The following TSPAN13 variants were observed in gnomAD, a reference collection of about 807,000 sequenced individuals.
The protein encoded by TSPAN13 is tetraspanin-13.
Under a neutral mutation model 26.9 loss-of-function variants are expected in TSPAN13, and 18 were observed. The ratio of observed to expected loss-of-function variants is 0.67; its 90% confidence interval spans 0.46 to 0.99. The LOEUF (loss-of-function observed/expected upper bound fraction) is 0.99, where lower values mean the gene tolerates loss of function less well. Among genes scored for constraint, TSPAN13 ranks in the 50% least tolerant of loss-of-function variants. The pLI is 0.00. For synonymous variants in TSPAN13, 116 were observed against 98.4 expected (o/e 1.18, Z -1.06); for missense variants, 201 against 249.6 (o/e 0.81, Z 1.31).
chr7:16,776,163 C>T, intron 1 of TSPAN13, 48 bp from the exon 2 acceptor site: 2 of 1,576,888 alleles, frequency 1.3e-6, no homozygotes, highest in Middle Eastern at 1.7e-4. Context: ...TCCCCATTCT[C>T]TCTCCTCTCT....
intron 1 of TSPAN13, among the ~76,000 whole-genome samples, chr7:16,773,782 A>C (rs1439032632): frequency 6.6e-6 from 1 of 152,230 alleles, no homozygotes; most frequent in African/African-American, 2.4e-5. Flanking sequence ...ATGGGGTTAG[A>C]AGAATTTTAT....
chr7:16,781,170 C>T (rs74946150), intron 5 of TSPAN13, among the ~76,000 whole-genome samples: 3,215 of 152,140 alleles, frequency 0.021, 93 homozygotes, highest in Non-Finnish European at 0.025. Context: ...TTTGTAGTAA[C>T]TTGAGAAACT....
At position 16,777,886 on chromosome 7, in the gene TSPAN13, T is replaced by A. The variant is rs759529339; in HGVS notation, c.401T>A (p.Val134Asp). The change falls in exon 4 of 6, where the codon GTT becomes GAT. Residue 134 changes from valine (V) to aspartate (D), a missense_variant. Coordinates refer to ENST00000262067, the MANE Select transcript of TSPAN13 (RefSeq NM_014399.4). ...CTAAACTGCTGTGGGTTCCGAAGTG[T>A]TAACCCAAATGACACCTGTCTGGCT... ...RNLNCCGFRS[V>D]NPNDTCLASC... The A allele has an allele frequency of 1.5e-5, 24 of 1,613,322 alleles. No homozygotes were observed. Among genetic ancestry groups the A allele is most frequent in the Non-Finnish European group, 1.9e-5 (23 of 1,179,558 alleles).
Position 16,768,006 on chromosome 7 carries a change from A to G in TSPAN13, c.64-8205A>G, listed in dbSNP as rs559352149. Among the ~76,000 whole-genome samples the G allele has an allele frequency of 3.3e-5, 5 of 152,118 alleles. No individual in the cohort carries two copies. In the East Asian group the frequency reaches 7.7e-4, roughly 23 times the overall value. ...CGGCCCACTGCAACCTCCTCCTCCC[A>G]GGTTCAAGCGATTCTCCTGCCTCAG... On this transcript the variant is annotated intron_variant, in intron 1 of 5. Coordinates refer to ENST00000262067, the MANE Select transcript of TSPAN13 (RefSeq NM_014399.4).
chr7:16,777,882 A>G lies in TSPAN13; in HGVS notation c.397A>G (p.Ser133Gly), dbSNP rs753771892. The change falls in exon 4 of 6, where the codon AGT (serine) becomes GGT (glycine). Residue 133 changes from serine (S) to glycine (G), a missense_variant. Ser to Gly is a moderately conservative substitution (Grantham distance 56, BLOSUM62 0). Coordinates refer to ENST00000262067, the MANE Select transcript of TSPAN13 (RefSeq NM_014399.4). ...QRNLNCCGFR[S>G]VNPNDTCLAS... ...AAATCTAAACTGCTGTGGGTTCCGA[A>G]GTGTTAACCCAAATGACACCTGTCT... 2 of 1,613,494 alleles carry G rather than the reference A, an allele frequency of 1.2e-6. No homozygotes were observed. The highest frequency in any genetic ancestry group is 1.7e-6 in the Non-Finnish European group (2 of 1,179,680).
intron 1 of TSPAN13, among the ~76,000 whole-genome samples, chr7:16,762,856 C>G (rs1784560129): frequency 6.6e-6 from 1 of 152,060 alleles, no homozygotes; most frequent in Non-Finnish European, 1.5e-5. Context: ...CTTGTAAAGC[C>G]TTGTCTTTTG....
At chr7:16,771,977 C>G (rs1440938635) in intron 1 of TSPAN13, among the ~76,000 whole-genome samples, 1 of 152,118 alleles carries the variant, frequency 6.6e-6, no homozygotes, top group Admixed American at 6.5e-5. Flanking sequence ...TGTGAATATT[C>G]TAGATAACAT....
intron 5 of TSPAN13, among the ~76,000 whole-genome samples, chr7:16,782,714 T>C (rs1038137374): frequency 6.6e-6 from 1 of 152,230 alleles, no homozygotes; most frequent in Non-Finnish European, 1.5e-5. Flanking sequence ...GATTTTTTGC[T>C]GTTACTTAAA....
intron 3 of TSPAN13, among the ~76,000 whole-genome samples, chr7:16,777,590 G>A (rs1784768421): frequency 1.3e-5 from 2 of 152,170 alleles, no homozygotes; most frequent in Admixed American, 1.3e-4. Flanking sequence ...TCTTTTAAAT[G>A]CATGTAAAAA....
rs568219547 is a variant in TSPAN13 at position 16,777,054 on chromosome 7, C to A, written c.244C>A (p.Leu82Met). 3.7e-6 allele frequency: 6 copies of A among 1,610,184 alleles called. No homozygotes were observed. The South Asian group carries it at 6.6e-5, about 18-fold the overall frequency. Residue 82 changes from leucine to methionine, a missense_variant, in exon 3 of 6, where the codon CTG becomes ATG. Transcript: ENST00000262067. Reference protein sequence around the residue: ...QVLLFFYMIILLLVFIVQFSV... With the variant: ...QVLLFFYMIIMLLVFIVQFSV... ...TTCTAACTCTCAGTATATGATTATT[C>A]TGTTACTTGTATTTATTGTTCAGTT...
intron 1 of TSPAN13, among the ~76,000 whole-genome samples, chr7:16,763,314 T>C (rs1784567174): frequency 6.6e-6 from 1 of 152,200 alleles, no homozygotes; most frequent in African/African-American, 2.4e-5. Context: ...ATAGGATCAG[T>C]GCAATTTTGC....
intron 1 of TSPAN13, chr7:16,775,624 A>C (rs1036619744): frequency 6.6e-6 from 1 of 152,220 alleles, no homozygotes; most frequent in African/African-American, 2.4e-5. Flanking sequence ...AGGTGAAAAG[A>C]TGTGGGTCCT....
chr7:16,768,699 A>G (rs1784638473), intron 1 of TSPAN13, among the ~76,000 whole-genome samples: 1 of 152,150 alleles, frequency 6.6e-6, no homozygotes, highest in Admixed American at 6.5e-5. Flanking sequence ...GTAGGGATTA[A>G]TAATATCAGT....
Position 16,777,892 on chromosome 7 carries a change from C to G in TSPAN13, c.407C>G (p.Pro136Arg). The change falls in exon 4 of 6, where the codon CCA becomes CGA. Residue 136 changes from proline to arginine, a missense_variant. Transcript: ENST00000262067. ...LNCCGFRSVNPNDTCLASCVK... is the reference protein window; with the variant it reads ...LNCCGFRSVNRNDTCLASCVK... ...TGCTGTGGGTTCCGAAGTGTTAACCCAAATGACACCTGTCTGGCTGTAAGT... is the reference window on the plus strand; with the variant it reads ...TGCTGTGGGTTCCGAAGTGTTAACCGAAATGACACCTGTCTGGCTGTAAGT... The G allele has an allele frequency of 6.2e-7, 1 of 1,612,686 alleles. No individual in the cohort carries two copies. Among genetic ancestry groups the G allele is most frequent in the South Asian group, 1.1e-5 (1 of 90,880 alleles).
At chr7:16,777,651 C>G (rs1336400469) in intron 3 of TSPAN13, 147 bp from the exon 4 acceptor site, 5 of 493,400 alleles carry the variant, frequency 1.0e-5, no homozygotes, top group Non-Finnish European at 1.7e-5. Context: ...ATTTTTGCTG[C>G]AAACTGAGGA....
chr7:16,770,064 CTCT>C (rs374926264), intron 1 of TSPAN13, among the ~76,000 whole-genome samples: 170 of 152,004 alleles, frequency 1.1e-3, no homozygotes, highest in African/African-American at 4.0e-3. Context: ...TTGTAAGTTT[CTCT>C]TCTTTCTCCT....
At chr7:16,770,280 A>G (rs1447570859) in intron 1 of TSPAN13, among the ~76,000 whole-genome samples, 2 of 152,060 alleles carry the variant, frequency 1.3e-5, no homozygotes, top group East Asian at 3.9e-4. Context: ...ATCTCGGCTC[A>G]CTGCAGCCTC....
intron 5 of TSPAN13, among the ~76,000 whole-genome samples, chr7:16,783,141 G>A (rs1784831972): frequency 6.6e-6 from 1 of 152,108 alleles, no homozygotes; most frequent in African/African-American, 2.4e-5. Flanking sequence ...CAAAGTCCCT[G>A]TTACTGTGTA....
intron 1 of TSPAN13, among the ~76,000 whole-genome samples, chr7:16,755,432 G>A (rs1045289996): frequency 6.6e-6 from 1 of 151,934 alleles, no homozygotes; most frequent in Non-Finnish European, 1.5e-5. Flanking sequence ...TGGTGATACA[G>A]TTCCTTGGAG....
Sources: gnomAD v4.1 joint callset for allele counts (sites outside exome capture counted in the v4.1 genomes callset) on GRCh38, gnomAD v4.1.1 for gene constraint, MANE v1.5 for transcripts, NCBI Gene and HGNC (gene_info 2026-07-23, HGNC 2026-07-21) for gene names.